The following COL23A1 variants were observed in gnomAD, a reference collection of about 807,000 sequenced individuals.
COL23A1 encodes the protein collagen type XXIII alpha 1 chain, also known as collagen alpha-1(XXIII) chain.
In COL23A1, 97 loss-of-function variants were observed where a neutral mutation model predicts 99.3. The ratio of observed to expected loss-of-function variants is 0.98; its 90% CI spans 0.83 to 1.16. COL23A1 has a LOEUF of 1.16. COL23A1 is among the 50% of genes most tolerant of loss of function. COL23A1 has a pLI of 0.00. For synonymous variants in COL23A1, 320 were observed against 308.2 expected, an observed-to-expected ratio of 1.04 and a Z score of -0.40; for missense variants, 762 against 757.4, an observed-to-expected ratio of 1.01 and a Z score of -0.07.
intron 2 of COL23A1, among the ~76,000 whole-genome samples, chr5:178,349,540 A>C (rs1581199775): frequency 2.5e-4 from 9 of 36,560 alleles, no homozygotes; most frequent in South Asian, 9.3e-4. Flanking sequence ...AGGCAGGGCC[A>C]CCCCCCACGC....
chr5:178,259,203 G>A (rs993777421), intron 12 of COL23A1, among the ~76,000 whole-genome samples: 1 of 152,192 alleles, frequency 6.6e-6, no homozygotes, highest in African/African-American at 2.4e-5. Flanking sequence ...TTGCAGGCAT[G>A]AGCCAGTGTG....
intron 18 of COL23A1, 46 bp downstream of exon 18, chr5:178,250,015 C>T (rs1764947610): frequency 6.2e-7 from 1 of 1,600,150 alleles, no homozygotes; most frequent in Admixed American, 1.7e-5. Flanking sequence ...ACACAGAGCC[C>T]AATACCAGGC....
chr5:178,359,242 G>C (rs1214085605), intron 2 of COL23A1, among the ~76,000 whole-genome samples: 2 of 152,228 alleles, frequency 1.3e-5, no homozygotes, highest in Middle Eastern at 3.2e-3. Flanking sequence ...TAGTGAAGGG[G>C]GCTGGGTGCA....
chr5:178,382,833 A>G (rs1019280864), intron 2 of COL23A1, among the ~76,000 whole-genome samples: 1 of 152,152 alleles, frequency 6.6e-6, no homozygotes, highest in Non-Finnish European at 1.5e-5. Context: ...CCTTGGCAGG[A>G]GTCAGAAGGC....
At chr5:178,571,855 G>T (rs1387160111) in intron 1 of COL23A1, among the ~76,000 whole-genome samples, 20 of 152,154 alleles carry the variant, frequency 1.3e-4, no homozygotes, top group Admixed American at 1.3e-3. Flanking sequence ...GGATCACAAG[G>T]TCAGGAGATT....
intron 2 of COL23A1, among the ~76,000 whole-genome samples, chr5:178,521,022 A>G (rs957019862): frequency 2.6e-5 from 4 of 152,204 alleles, no homozygotes; most frequent in Admixed American, 6.5e-5. Context: ...AGCCTACTAC[A>G]CACTGGGCTA....
intron 2 of COL23A1, among the ~76,000 whole-genome samples, chr5:178,390,205 T>A (rs760196710): frequency 2.6e-5 from 4 of 152,244 alleles, no homozygotes; most frequent in Non-Finnish European, 5.9e-5. Flanking sequence ...ATATATCATT[T>A]ACTATCCAAA....
chr5:178,463,569 A>G (rs1386829135), intron 2 of COL23A1, among the ~76,000 whole-genome samples: 1 of 152,184 alleles, frequency 6.6e-6, no homozygotes, highest in Non-Finnish European at 1.5e-5. Flanking sequence ...ACCCCAACCT[A>G]TGAGGCAGGT....
chr5:178,367,140 T>C (rs1762526939), intron 2 of COL23A1, among the ~76,000 whole-genome samples: 1 of 152,222 alleles, frequency 6.6e-6, no homozygotes, highest in South Asian at 2.1e-4. Context: ...AGCCAAATCG[T>C]TATCTGAGGG....
intron 2 of COL23A1, among the ~76,000 whole-genome samples, chr5:178,558,003 G>T (rs1356856706): frequency 6.6e-6 from 1 of 151,644 alleles, no homozygotes; most frequent in Non-Finnish European, 1.5e-5. Flanking sequence ...CTCCATCACA[G>T]CCTGGAGTTC....
chr5:178,589,848 G>T lies in COL23A1; in HGVS notation c.294+56C>A. The T allele has an allele frequency of 8.0e-7, 1 of 1,245,550 alleles. No individual in the cohort carries two copies. The highest frequency in any genetic ancestry group is 1.0e-6 in the Non-Finnish European group (1 of 993,294). The allele number at this position is 1,245,550 out of a possible 1,614,324, so 77.2% of individuals were successfully genotyped here. On this transcript the variant is annotated intron_variant, in intron 1 of 28. Coordinates refer to ENST00000390654, the MANE Select transcript of COL23A1 (RefSeq NM_173465.4). This position sits in a 1 kb window ranked among gnomAD's most constrained non-coding sequence, Gnocchi z 5.4. ...CGCTGCCCCCGGCTCCCAGCGTACC[G>T]CCACCCTCAACCCGACACACCCAAG...
Position 178,579,223 on chromosome 5 carries a change from C to A in COL23A1, c.294+10681G>T, listed in dbSNP as rs374692617. Among the ~76,000 whole-genome samples the A allele has an allele frequency of 3.9e-4, 59 of 152,268 alleles. 2 individuals are homozygous for A. The South Asian group carries it at 0.012, about 31-fold the overall frequency. On this transcript the variant is annotated intron_variant, in intron 1 of 28. Transcript: ENST00000390654. ...TGTAGACATTCCTTCCAAATTCAGT[C>A]AAAGAAAAAACTCTAATACCAGCAG... is the stretch of plus-strand genomic sequence containing the variant.
At chr5:178,485,026 C>T (rs1453346552) in intron 2 of COL23A1, among the ~76,000 whole-genome samples, 2 of 152,244 alleles carry the variant, frequency 1.3e-5, no homozygotes, top group South Asian at 2.1e-4. Flanking sequence ...TAGAGGACTT[C>T]GCTTACGGCT....
At chr5:178,586,890 G>C (rs1443671139) in intron 1 of COL23A1, among the ~76,000 whole-genome samples, 1 of 152,196 alleles carries the variant, frequency 6.6e-6, no homozygotes, top group Non-Finnish European at 1.5e-5. Flanking sequence ...CCAATATACA[G>C]AGTTGATAAG....
chr5:178,577,163 G>A (rs1438696126), intron 1 of COL23A1, among the ~76,000 whole-genome samples: 1 of 152,174 alleles, frequency 6.6e-6, no homozygotes, highest in Non-Finnish European at 1.5e-5. Context: ...CTGCTCTGCC[G>A]TCCGGGGATC....
At chr5:178,346,359 C>T (rs1220065248) in intron 2 of COL23A1, among the ~76,000 whole-genome samples, 3 of 152,040 alleles carry the variant, frequency 2.0e-5, no homozygotes, top group African/African-American at 7.2e-5. Context: ...TCAGCCTCCC[C>T]AGTAGCTGGG....
intron 2 of COL23A1, among the ~76,000 whole-genome samples, chr5:178,543,607 G>C (rs1761416458): frequency 6.6e-6 from 1 of 152,158 alleles, no homozygotes; most frequent in African/African-American, 2.4e-5. Context: ...TGCAGGGTCT[G>C]AGTCTCCACC....
chr5:178,338,508 C>T (rs1191366056), intron 2 of COL23A1, among the ~76,000 whole-genome samples: 3 of 152,204 alleles, frequency 2.0e-5, no homozygotes, highest in African/African-American at 4.8e-5. Flanking sequence ...ATGACAGCAG[C>T]GCAGCAGGTT....
At chr5:178,431,651 G>A (rs1766272675) in intron 2 of COL23A1, among the ~76,000 whole-genome samples, 1 of 152,214 alleles carries the variant, frequency 6.6e-6, no homozygotes, top group Non-Finnish European at 1.5e-5. Flanking sequence ...GAGCTGAAGA[G>A]GCAAAGAACG....
Sources: allele counts gnomAD v4.1 joint callset (sites outside exome capture counted in the v4.1 genomes callset), GRCh38; gene constraint gnomAD v4.1.1; non-coding constraint Gnocchi (gnomAD v3.1); transcripts MANE v1.5; gene names NCBI Gene and HGNC (gene_info 2026-07-23, HGNC 2026-07-21).